Variants in TAMM41 observed in about 807,000 individuals in gnomAD.
The protein encoded by TAMM41 is phosphatidate cytidylyltransferase, mitochondrial.
TAMM41 carries 36 observed loss-of-function variants against 44.1 expected under a neutral mutation model. The observed-to-expected ratio is 0.82, with a 90% CI of 0.63 to 1.08. The LOEUF is 1.08. Ranked by LOEUF, TAMM41 falls within the 50% of genes least tolerant of loss-of-function variation. TAMM41 has a pLI of 0.00. For missense variants in TAMM41, 417 were observed against 404.3 expected, an observed-to-expected ratio of 1.03 and a Z score of -0.27; for synonymous variants, 164 against 153.1, an observed-to-expected ratio of 1.07 and a Z score of -0.53.
At chr3:11,752,947 G>A in the TAMM41 span, among the ~76,000 whole-genome samples, 20 of 151,820 alleles carry the variant, frequency 1.3e-4, no homozygotes, top group African/African-American at 4.8e-4. Context: ...TAGCCACCAC[G>A]CCTGGCCCAT....
At chr3:11,790,803 C>A (rs553314036) in intron 7 of TAMM41, among the ~76,000 whole-genome samples, 1 of 152,316 alleles carries the variant, frequency 6.6e-6, no homozygotes, top group African/African-American at 2.4e-5. Context: ...GCTATGGATG[C>A]CAACGGTTCC....
the TAMM41 span, among the ~76,000 whole-genome samples, chr3:11,744,669 T>C: frequency 0.16 from 24,887 of 150,992 alleles, 2,385 homozygotes; most frequent in Middle Eastern, 0.22. Context: ...CACTCCAGCC[T>C]AGGCGACAGA....
chr3:11,805,230 G>A (rs1314899731), intron 7 of TAMM41, among the ~76,000 whole-genome samples: 1 of 152,026 alleles, frequency 6.6e-6, no homozygotes, highest in Non-Finnish European at 1.5e-5. Context: ...TCAAACCCCT[G>A]AGCTCGGGCA....
the TAMM41 span, among the ~76,000 whole-genome samples, chr3:11,746,196 A>G: frequency 1.3e-5 from 2 of 151,814 alleles, no homozygotes; most frequent in African/African-American, 2.4e-5. Flanking sequence ...AGCTACGCTG[A>G]AGGCTGAGGC....
downstream of TAMM41, among the ~76,000 whole-genome samples, chr3:11,786,597 C>T (rs1490591400): frequency 6.6e-6 from 1 of 152,012 alleles, no homozygotes; most frequent in Non-Finnish European, 1.5e-5. Flanking sequence ...GCCACTGCAG[C>T]CAGCCCCTTC....
chr3:11,780,220 G>C, the TAMM41 span, among the ~76,000 whole-genome samples: 1 of 152,164 alleles, frequency 6.6e-6, no homozygotes. Context: ...GACCTTTCAC[G>C]ATCTGGCCTC....
At chr3:11,759,427 G>C in the TAMM41 span, among the ~76,000 whole-genome samples, 1 of 151,870 alleles carries the variant, frequency 6.6e-6, no homozygotes, top group African/African-American at 2.4e-5. Flanking sequence ...CATTGGGCCA[G>C]GCAGACATGG....
At chr3:11,837,015 T>C (rs1003273811) in intron 3 of TAMM41, among the ~76,000 whole-genome samples, 1 of 152,226 alleles carries the variant, frequency 6.6e-6, no homozygotes, top group African/African-American at 2.4e-5. Context: ...TTTGATAAAT[T>C]TGTCCATGTG....
intron 3 of TAMM41, among the ~76,000 whole-genome samples, chr3:11,836,040 A>G (rs1417431189): frequency 1.4e-5 from 2 of 141,096 alleles, no homozygotes; most frequent in Non-Finnish European, 3.0e-5. Context: ...CCTAGGCTGG[A>G]GTGCGGAGTG....
At chr3:11,729,162 G>A in the TAMM41 span, among the ~76,000 whole-genome samples, 12 of 152,062 alleles carry the variant, frequency 7.9e-5, no homozygotes, top group Non-Finnish European at 1.5e-4. Flanking sequence ...CATCTGAGTG[G>A]CATCTAACAC....
chr3:11,813,785 A>G (rs2124972104), intron 5 of TAMM41, among the ~76,000 whole-genome samples: 1 of 151,914 alleles, frequency 6.6e-6, no homozygotes, highest in Admixed American at 6.6e-5. Context: ...CCCTGTCTCT[A>G]CAAAAAAAAA....
In TAMM41 at chr3:11,829,825, A is replaced by ATC. The variant is rs957483859; in HGVS notation, c.449_450dup (p.Ser151AspfsTer8). Reference sequence around the variant, plus strand: ...CTCTTCAGATTTCTATCGAGGGCTGATCTAAGAGTGACATCCTCGTTCACT... The same window carrying ATC: ...CTCTTCAGATTTCTATCGAGGGCTGATCTCTAAGAGTGACATCCTCGTTCACT... On this transcript the variant is annotated frameshift_variant, in exon 4 of 8. Coordinates refer to ENST00000455809, the MANE Select transcript of TAMM41 (RefSeq NM_001284401.2). LOFTEE classifies it high-confidence loss of function. 6 of 1,614,068 alleles carry ATC rather than the reference A, an allele frequency of 3.7e-6. No homozygotes were observed. Among genetic ancestry groups the ATC allele is most frequent in the Non-Finnish European group, 4.2e-6 (5 of 1,180,032 alleles).
chr3:11,760,161 T>C, the TAMM41 span, among the ~76,000 whole-genome samples: 1 of 152,324 alleles, frequency 6.6e-6, no homozygotes, highest in South Asian at 2.1e-4. Context: ...CCTGTCAAAC[T>C]TGTTTTCTTC....
chr3:11,789,494 C>T (rs556016536), downstream of TAMM41, among the ~76,000 whole-genome samples: 2 of 152,272 alleles, frequency 1.3e-5, no homozygotes, highest in African/African-American at 4.8e-5. Context: ...TTCCCAACAG[C>T]TCTTTCTCCT....
At chr3:11,725,253 CCTT>C in the TAMM41 span, among the ~76,000 whole-genome samples, 26,945 of 127,336 alleles carry the variant, frequency 0.21, 2,845 homozygotes, top group Middle Eastern at 0.32. Flanking sequence ...TCCCCCTCCT[CCTT>C]CTCCTTTTCT....
downstream of TAMM41, among the ~76,000 whole-genome samples, chr3:11,786,009 GCTGTGTACAAGTCTTCTGAA>G (rs1279768268): frequency 1.4e-4 from 21 of 152,116 alleles, no homozygotes; most frequent in East Asian, 1.9e-4. Context: ...AGTATCTAAT[GCTGTGTACAAGTCTTCTGAA>G]CTGTGTACAA....
chr3:11,813,587 C>T (rs111502680), intron 5 of TAMM41, among the ~76,000 whole-genome samples: 14 of 152,120 alleles, frequency 9.2e-5, no homozygotes, highest in African/African-American at 2.9e-4. Context: ...TATAGTCAAG[C>T]CCACCAGTTG....
chr3:11,786,446 A>C (rs923291115), downstream of TAMM41, among the ~76,000 whole-genome samples: 10 of 151,828 alleles, frequency 6.6e-5, no homozygotes, highest in African/African-American at 2.4e-4. Context: ...CTGGGATTAC[A>C]GGCATGAGCC....
chr3:11,764,486 CTTTTTTTT>C, the TAMM41 span, among the ~76,000 whole-genome samples: 6 of 68,140 alleles, frequency 8.8e-5, 1 homozygote, highest in Admixed American at 5.9e-4. Context: ...TAATCTTATT[CTTTTTTTT>C]TTTTTTTTTT....
Sources: allele counts gnomAD v4.1 joint callset (sites outside exome capture counted in the v4.1 genomes callset), GRCh38; gene constraint gnomAD v4.1.1; transcripts MANE v1.5; gene names NCBI Gene and HGNC (gene_info 2026-07-23, HGNC 2026-07-21).